The following TSPAN7 variants were observed in gnomAD, a reference collection of about 807,000 sequenced individuals.
The protein encoded by TSPAN7 is tetraspanin-7.
In TSPAN7, 1 loss-of-function variant was observed where a neutral mutation model predicts 17.6. The observed-to-expected ratio is 0.06, with a 90% CI of 0.02 to 0.27. The LOEUF (loss-of-function observed/expected upper bound fraction) is 0.27. Among genes scored for constraint, TSPAN7 ranks in the 10% least tolerant of loss-of-function variants. TSPAN7 has a pLI of 1.00. For missense variants in TSPAN7, 112 were observed against 201.7 expected, an observed-to-expected ratio of 0.56 and a Z score of 2.69; for synonymous variants, 78 against 79.0, an observed-to-expected ratio of 0.99 and a Z score of 0.07.
chrX:38,602,605 A>G (rs913926450), intron 1 of TSPAN7, among the ~76,000 whole-genome samples: 1 of 112,473 alleles, frequency 8.9e-6, no homozygotes, highest in Non-Finnish European at 1.9e-5. Context: ...GTAGTCAAAG[A>G]AAGGCAAACA....
At chrX:38,673,693 C>T in intron 3 of TSPAN7, among the ~76,000 whole-genome samples, 1 of 110,435 alleles carries the variant, frequency 9.1e-6, no homozygotes, top group Non-Finnish European at 1.9e-5. Flanking sequence ...AGTTCTTGTC[C>T]TTTATTATCT....
At chrX:38,677,876 C>A (rs897247785) in intron 5 of TSPAN7, among the ~76,000 whole-genome samples, 4 of 112,059 alleles carry the variant, frequency 3.6e-5, no homozygotes, top group African/African-American at 1.3e-4. Context: ...TACCCTTCCT[C>A]CCAGTGACTC....
chrX:38,574,092 G>A (rs1324804455), intron 1 of TSPAN7, among the ~76,000 whole-genome samples: 3 of 111,920 alleles, frequency 2.7e-5, no homozygotes, highest in South Asian at 3.7e-4. Context: ...AGTATCTACC[G>A]TTATCTTTAT....
At chrX:38,680,410 G>A (rs995432836) in intron 5 of TSPAN7, among the ~76,000 whole-genome samples, 6 of 109,571 alleles carry the variant, frequency 5.5e-5, no homozygotes, top group Non-Finnish European at 9.5e-5. Flanking sequence ...TTTATTTTTC[G>A]CAGACTTTAT....
In TSPAN7 at chrX:38,566,339, G is replaced by A. The variant is rs185666867; in HGVS notation, c.81+4712G>A. 7.3e-6 allele frequency: 7 copies of A among 960,199 alleles called. No individual in the cohort carries two copies. In the African/African-American group the frequency reaches 1.4e-4, roughly 19 times the overall value. The allele number at this position is 960,199 out of a possible 1,213,427, so 79.1% of individuals were successfully genotyped here. On this transcript the variant is annotated intron_variant, in intron 1 of 7. Coordinates refer to ENST00000378482, the MANE Select transcript of TSPAN7 (RefSeq NM_004615.4). ...ATTTTCAGGTCTATAGAAGAGGAGG[G>A]AAAAACACACCTAGGAGTAAGTTAT...
chrX:38,574,317 G>A, intron 1 of TSPAN7, among the ~76,000 whole-genome samples: 1 of 112,124 alleles, frequency 8.9e-6, no homozygotes, highest in Non-Finnish European at 1.9e-5. Context: ...AGATGTAGTT[G>A]TTGTAAACTA....
intron 1 of TSPAN7, chrX:38,612,655 G>T (rs1224240515): frequency 1.8e-5 from 2 of 111,476 alleles, no homozygotes; most frequent in African/African-American, 6.5e-5. Context: ...TGTGAGAAAG[G>T]GTACAAGGGA....
At chrX:38,669,927 T>G (rs1325100566) in intron 2 of TSPAN7, among the ~76,000 whole-genome samples, 2 of 111,997 alleles carry the variant, frequency 1.8e-5, no homozygotes, top group Non-Finnish European at 3.8e-5. Flanking sequence ...TGGGAGAGTC[T>G]CACATCAAAC....
chrX:38,652,612 A>G (rs1406828394), intron 1 of TSPAN7, among the ~76,000 whole-genome samples: 1 of 112,718 alleles, frequency 8.9e-6, no homozygotes, highest in African/African-American at 3.2e-5. Context: ...AAGAAAATAC[A>G]TTTTGAGTTT....
chrX:38,687,351 C>G (rs755486016), intron 6 of TSPAN7, among the ~76,000 whole-genome samples: 80 of 111,163 alleles, frequency 7.2e-4, no homozygotes, highest in Non-Finnish European at 1.2e-3. Context: ...TTGAGAACTT[C>G]CAGTTGGCTC....
intron 5 of TSPAN7, among the ~76,000 whole-genome samples, chrX:38,678,379 C>T (rs1028954414): frequency 5.3e-5 from 6 of 112,273 alleles, no homozygotes; most frequent in Non-Finnish European, 1.1e-4. Context: ...TTGATTTAGA[C>T]GTGCTGAGAG....
intron 1 of TSPAN7, among the ~76,000 whole-genome samples, chrX:38,603,433 A>T (rs768896961): frequency 3.4e-4 from 38 of 112,267 alleles, no homozygotes; most frequent in African/African-American, 1.2e-3. Flanking sequence ...TTGAAAACAT[A>T]TTTCCTTACA....
chrX:38,567,842 C>A (rs763093428), intron 1 of TSPAN7, among the ~76,000 whole-genome samples: 1 of 111,442 alleles, frequency 9.0e-6, no homozygotes, highest in Non-Finnish European at 1.9e-5. Context: ...TGTAGTAGAC[C>A]CTAATATATC....
chrX:38,646,118 A>G (rs1386665366), intron 1 of TSPAN7: 1 of 447,923 alleles, frequency 2.2e-6, no homozygotes, highest in Non-Finnish European at 3.4e-6. Context: ...TCTGGTTTTT[A>G]AACTAGTAAT....
intron 1 of TSPAN7, among the ~76,000 whole-genome samples, chrX:38,637,558 C>T (rs972839542): frequency 2.2e-4 from 25 of 112,257 alleles, no homozygotes; most frequent in Non-Finnish European, 3.6e-4. Context: ...CTCACTTTTT[C>T]CTTCCCAGTG....
At chrX:38,610,936 C>T (rs1043179071) in intron 1 of TSPAN7, among the ~76,000 whole-genome samples, 1 of 112,201 alleles carries the variant, frequency 8.9e-6, no homozygotes, top group Non-Finnish European at 1.9e-5. Flanking sequence ...AATGCTCTTA[C>T]TCAAATCAGT....
At chrX:38,590,254 A>G (rs2069283586) in intron 1 of TSPAN7, among the ~76,000 whole-genome samples, 1 of 111,586 alleles carries the variant, frequency 9.0e-6, no homozygotes, top group East Asian at 2.8e-4. Context: ...ACAGGTGTGC[A>G]CTACTATGCC....
At chrX:38,574,698 G>T (rs1009737978) in intron 1 of TSPAN7, among the ~76,000 whole-genome samples, 5 of 110,862 alleles carry the variant, frequency 4.5e-5, no homozygotes, top group African/African-American at 6.6e-5. Flanking sequence ...GGAGGGGGAG[G>T]AGATGGTACT....
chrX:38,596,634 G>T (rs2069320135), intron 1 of TSPAN7, among the ~76,000 whole-genome samples: 1 of 111,037 alleles, frequency 9.0e-6, no homozygotes, highest in Non-Finnish European at 1.9e-5. Flanking sequence ...GCATCATCTG[G>T]GTGCTAGTTA....
Sources: allele counts gnomAD v4.1 joint callset (sites outside exome capture counted in the v4.1 genomes callset), GRCh38; gene constraint gnomAD v4.1.1; transcripts MANE v1.5; gene names NCBI Gene and HGNC (gene_info 2026-07-23, HGNC 2026-07-21).